The following SYNCRIP variants were observed in gnomAD, a reference collection of about 807,000 sequenced individuals.
SYNCRIP encodes the protein synaptotagmin binding cytoplasmic RNA interacting protein.
SYNCRIP carries 9 observed loss-of-function variants against 68.9 expected under a neutral mutation model. The observed-to-expected ratio is 0.13, with a 90% CI of 0.08 to 0.23. SYNCRIP has a LOEUF of 0.23. Ranked by LOEUF, SYNCRIP falls within the 10% of genes least tolerant of loss-of-function variation. The pLI, the probability that SYNCRIP is intolerant of heterozygous loss-of-function variation, is 1.00. For missense variants in SYNCRIP, 414 were observed against 770.6 expected (o/e 0.54, Z 5.48); for synonymous variants, 258 against 254.0 (o/e 1.02, Z -0.15).
chr6:85,613,925 T>C (rs1212721275), downstream of SYNCRIP: 6 of 964,382 alleles, frequency 6.2e-6, no homozygotes, highest in Non-Finnish European at 7.4e-6. Flanking sequence ...TGTCCTTTTA[T>C]ACAGTTCATT....
Position 85,614,439 on chromosome 6 carries a change from A to T in SYNCRIP, c.*317T>A. ...TAATCAACTACCTTTGAAGACACCA[A>T]ATCTAAACACTACTGGAAACATCGT... On this transcript the variant is annotated 3_prime_UTR_variant, in exon 11 of 11. Coordinates refer to ENST00000369622, the MANE Select transcript of SYNCRIP (RefSeq NM_006372.5). 9.5e-7 allele frequency: 1 copy of T among 1,048,104 alleles called. No homozygotes were observed. Among genetic ancestry groups the T allele is most frequent in the Non-Finnish European group, 1.1e-6 (1 of 871,824 alleles). The allele number at this position is 1,048,104 out of a possible 1,614,324, so 64.9% of individuals were successfully genotyped here.
chr6:85,640,696 A>C, intron 2 of SYNCRIP, 132 bp from the exon 3 acceptor site: 1 of 556,756 alleles, frequency 1.8e-6, no homozygotes, highest in Non-Finnish European at 3.1e-6. Context: ...TGAAAAAAAA[A>C]AAACACACAC....
chr6:85,636,852 C>A, intron 6 of SYNCRIP, 115 bp downstream of exon 6: 2 of 994,566 alleles, frequency 2.0e-6, no homozygotes, highest in Admixed American at 2.8e-5. Flanking sequence ...AAAAAAAAAC[C>A]TGCCTAAATC....
chr6:85,614,903 G>A lies in SYNCRIP; in HGVS notation c.1725C>T (p.Ser575=). The change falls in exon 11 of 11, where the codon TCC becomes TCT. Residue 575 remains serine, a synonymous_variant. Transcript: ENST00000369622. ...TCTGATTATTGGTCTGGCGCCGCTTGGAATCTGGCTGGTTGTACCCATCAG... is the reference window on the plus strand; with the variant it reads ...TCTGATTATTGGTCTGGCGCCGCTTAGAATCTGGCTGGTTGTACCCATCAG... The part of the protein sequence containing the change: ...RKADGYNQPD[S]KRRQTNNQNW... The A allele has an allele frequency of 6.2e-7, 1 of 1,614,160 alleles. No individual in the cohort carries two copies. The highest frequency in any genetic ancestry group is 8.5e-7 in the Non-Finnish European group (1 of 1,180,042).
At chr6:85,619,533 T>C in intron 8 of SYNCRIP, 116 bp from the exon 9 acceptor site, 1 of 907,506 alleles carries the variant, frequency 1.1e-6, no homozygotes, top group South Asian at 2.4e-5. Flanking sequence ...AATGTCAGAA[T>C]ATAAAAAAAA....
chr6:85,635,593 A>C (rs1808342906), intron 6 of SYNCRIP, among the ~76,000 whole-genome samples: 1 of 151,930 alleles, frequency 6.6e-6, no homozygotes, highest in Non-Finnish European at 1.5e-5. Context: ...AACATGGTGA[A>C]ACCCTGTCTC....
chr6:85,615,104 T>A lies in SYNCRIP; in HGVS notation c.1524A>T (p.Pro508=). ...RGGRGARGAA[P]SRGRGAAPPR... The stretch of plus-strand genomic sequence containing the variant: ...GAGGAGCAGCCCCACGACCTCTGGA[T>A]GGAGCAGCACCCCTTGCTCCTCTAC... Residue 508 remains proline (P), a synonymous_variant, in exon 11 of 11, where the codon CCA becomes CCT. Coordinates refer to ENST00000369622, the MANE Select transcript of SYNCRIP (RefSeq NM_006372.5). 6.2e-7 allele frequency: 1 copy of A among 1,614,140 alleles called. No homozygotes were observed. The highest frequency in any genetic ancestry group is 8.5e-7 in the Non-Finnish European group (1 of 1,180,024).
chr6:85,611,965 C>T (rs1805284046), downstream of SYNCRIP: 1 of 152,350 alleles, frequency 6.6e-6, no homozygotes, highest in Admixed American at 6.5e-5. Context: ...AGTTCGGATG[C>T]ACTTTTTTGA....
upstream of SYNCRIP, chr6:85,643,845 C>T (rs1486855391): frequency 6.6e-6 from 1 of 152,296 alleles, no homozygotes; most frequent in Non-Finnish European, 1.5e-5. Context: ...CGCTCTCCTC[C>T]TCGGGAAGCT....
At chr6:85,619,536 A>T (rs995407616) in intron 8 of SYNCRIP, 119 bp from the exon 9 acceptor site, 61 of 249,226 alleles carry the variant, frequency 2.4e-4, no homozygotes, top group Non-Finnish European at 2.9e-4. Flanking sequence ...GTCAGAATAT[A>T]AAAAAAAAAA....
downstream of SYNCRIP, chr6:85,610,516 T>C (rs1224219917): frequency 6.6e-6 from 1 of 152,032 alleles, no homozygotes; most frequent in African/African-American, 2.4e-5. Context: ...TTTAATGTTT[T>C]CTTAAGAACA....
At chr6:85,625,866 C>T in intron 6 of SYNCRIP, among the ~76,000 whole-genome samples, 1 of 152,200 alleles carries the variant, frequency 6.6e-6, no homozygotes, top group East Asian at 1.9e-4. Flanking sequence ...CAGTTCTCAA[C>T]AGGAGTGATT....
At chr6:85,636,216 G>A (rs542012414) in intron 6 of SYNCRIP, among the ~76,000 whole-genome samples, 54 of 152,202 alleles carry the variant, frequency 3.5e-4, no homozygotes, top group African/African-American at 1.1e-3. Context: ...AGGCCGAAGC[G>A]AGTGGATCAC....
At chr6:85,619,956 C>G (rs543391491) in intron 8 of SYNCRIP, among the ~76,000 whole-genome samples, 3 of 152,216 alleles carry the variant, frequency 2.0e-5, no homozygotes, top group Non-Finnish European at 4.4e-5. Flanking sequence ...TTTGTAACTG[C>G]CAAAAATTTG....
At chr6:85,639,516 A>G (rs1419374989) in intron 4 of SYNCRIP, among the ~76,000 whole-genome samples, 1 of 152,162 alleles carries the variant, frequency 6.6e-6, no homozygotes, top group African/African-American at 2.4e-5. Context: ...CACCACTACA[A>G]CAATGCTCAA....
At chr6:85,634,491 C>T (rs1202841541) in intron 6 of SYNCRIP, among the ~76,000 whole-genome samples, 4 of 152,190 alleles carry the variant, frequency 2.6e-5, no homozygotes, top group African/African-American at 9.7e-5. Flanking sequence ...ATTCCAGGAA[C>T]CCATACCAAA....
intron 6 of SYNCRIP, among the ~76,000 whole-genome samples, chr6:85,629,372 A>C (rs950994362): frequency 6.6e-6 from 1 of 152,110 alleles, no homozygotes; most frequent in African/African-American, 2.4e-5. Flanking sequence ...CATGCTAAAC[A>C]CACTATTTGC....
At chr6:85,617,603 C>T (rs534319182) in intron 10 of SYNCRIP, among the ~76,000 whole-genome samples, 1 of 152,238 alleles carries the variant, frequency 6.6e-6, no homozygotes, top group East Asian at 1.9e-4. Flanking sequence ...TCACATAATC[C>T]AGAGCTATTA....
intron 4 of SYNCRIP, among the ~76,000 whole-genome samples, chr6:85,639,084 G>A (rs1436140525): frequency 5.3e-5 from 8 of 152,012 alleles, no homozygotes; most frequent in East Asian, 1.9e-4. Context: ...GGCACCCACC[G>A]GTAGTCCCAG....
Sources: gnomAD v4.1 joint callset for allele counts (sites outside exome capture counted in the v4.1 genomes callset) on GRCh38, gnomAD v4.1.1 for gene constraint, MANE v1.5 for transcripts, NCBI Gene and HGNC (gene_info 2026-07-23, HGNC 2026-07-21) for gene names.